The following ZFYVE28 variants were observed in gnomAD, a reference collection of about 807,000 sequenced individuals.
The protein encoded by ZFYVE28 is lateral signaling target protein 2 homolog.
In ZFYVE28, 40 loss-of-function variants were observed where a neutral mutation model predicts 82.1. The observed-to-expected ratio is 0.49, with a 90% CI of 0.38 to 0.63. ZFYVE28 has a LOEUF of 0.63. Ranked by LOEUF, ZFYVE28 falls within the 30% of genes least tolerant of loss-of-function variation. ZFYVE28 has a pLI of 0.00. For missense variants in ZFYVE28, 1,321 were observed against 1,242.1 expected, an observed-to-expected ratio of 1.06 and a Z score of -0.96; for synonymous variants, 612 against 546.1, an observed-to-expected ratio of 1.12 and a Z score of -1.68.
At chr4:2,359,960 G>A (rs377215988) in intron 1 of ZFYVE28, among the ~76,000 whole-genome samples, 17 of 152,270 alleles carry the variant, frequency 1.1e-4, no homozygotes, top group African/African-American at 3.9e-4. Context: ...CACCTGGAAG[G>A]ACAGCCCCCT....
chr4:2,269,699 C>G lies in ZFYVE28; in HGVS notation c.*1026G>C, dbSNP rs1735758682. On this transcript the variant is annotated 3_prime_UTR_variant, in exon 13 of 13. Transcript: ENST00000290974. ...ATTTCCTCCATTATATACTCTCCCC[C>G]CGACAGAAGCCGTTTCTATGCATAT... is the stretch of plus-strand genomic sequence containing the variant. 1 of 152,172 alleles carries G rather than the reference C, an allele frequency of 6.6e-6. No individual in the cohort carries two copies. 9.4% of individuals were successfully genotyped at this position (152,172 alleles called of 1,614,324 possible). A position where few individuals can be genotyped will look rare whatever the true frequency, so the allele number is the denominator to read the frequency against.
chr4:2,399,331 C>T (rs1730917603), intron 1 of ZFYVE28, among the ~76,000 whole-genome samples: 1 of 152,170 alleles, frequency 6.6e-6, no homozygotes, highest in Admixed American at 6.5e-5. Flanking sequence ...CCTGTGTGTT[C>T]ACGCCTCTCC....
intron 8 of ZFYVE28, among the ~76,000 whole-genome samples, chr4:2,296,944 G>T (rs1352770271): frequency 3.9e-5 from 6 of 152,208 alleles, no homozygotes; most frequent in Admixed American, 3.9e-4. Flanking sequence ...GGCCACTGAA[G>T]GCTCTGTCAG....
chr4:2,304,032 G>A (rs571013482), intron 8 of ZFYVE28, among the ~76,000 whole-genome samples: 90 of 152,356 alleles, frequency 5.9e-4, no homozygotes, highest in Admixed American at 9.1e-4. Context: ...ACAGGCACCC[G>A]GAACATCAGA....
At chr4:2,316,086 C>T (rs1718168776) in intron 7 of ZFYVE28, 1 of 152,180 alleles carries the variant, frequency 6.6e-6, no homozygotes, top group African/African-American at 2.4e-5. Flanking sequence ...TGCTATTAAA[C>T]CCATCTACTG....
intron 1 of ZFYVE28, among the ~76,000 whole-genome samples, chr4:2,388,194 C>T (rs1283905360): frequency 1.3e-5 from 2 of 152,172 alleles, no homozygotes; most frequent in Non-Finnish European, 2.9e-5. Flanking sequence ...TCTTCAAAGC[C>T]GGGACACAAA....
chr4:2,308,683 G>GAAAGAAAGAAAGAGAAAGA (rs1553830773), intron 7 of ZFYVE28, among the ~76,000 whole-genome samples: 5 of 81,512 alleles, frequency 6.1e-5, no homozygotes, highest in East Asian at 2.8e-4. Context: ...GAAAGAGAAA[G>GAAAGAAAGAAAGAGAAAGA]AAAGAAAAGA....
chr4:2,282,225 C>T (rs1043509589), intron 8 of ZFYVE28, among the ~76,000 whole-genome samples: 2 of 152,216 alleles, frequency 1.3e-5, no homozygotes, highest in African/African-American at 4.8e-5. Context: ...CACTCTCTTA[C>T]AGAAGGCAGC....
At chr4:2,358,050 G>A (rs985107727) in intron 1 of ZFYVE28, among the ~76,000 whole-genome samples, 9 of 152,172 alleles carry the variant, frequency 5.9e-5, no homozygotes, top group African/African-American at 2.2e-4. Flanking sequence ...CCAAAGAGGG[G>A]ACTGAGCCTC....
intron 1 of ZFYVE28, among the ~76,000 whole-genome samples, chr4:2,400,884 A>G (rs542170870): frequency 6.6e-6 from 1 of 152,318 alleles, no homozygotes; most frequent in African/African-American, 2.4e-5. Flanking sequence ...ACGCACACAG[A>G]CACACCCAGG....
intron 8 of ZFYVE28, among the ~76,000 whole-genome samples, chr4:2,280,790 A>C (rs190842029): frequency 1.1e-3 from 170 of 152,292 alleles, no homozygotes; most frequent in Non-Finnish European, 2.1e-3. Flanking sequence ...GTGAAAGGAG[A>C]AGCCCATGGG....
chr4:2,274,102 G>A lies in ZFYVE28; in HGVS notation c.2166C>T (p.Gly722=). The A allele has an allele frequency of 6.2e-7, 1 of 1,613,628 alleles. No homozygotes were observed. The highest frequency in any genetic ancestry group is 2.2e-5 in the East Asian group (1 of 44,882). The change falls in exon 9 of 13, where the codon GGC becomes GGT. Residue 722 remains glycine, a synonymous_variant. Coordinates refer to ENST00000290974, the MANE Select transcript of ZFYVE28 (RefSeq NM_020972.3). ...TREKIRSRFH[G]SHDLIHRLFV... Reference sequence around the variant, plus strand: ...ACAGGCGGTGGATGAGGTCGTGGCTGCCGTGGAACCTGGACCGGATCTTCT... The same window carrying A: ...ACAGGCGGTGGATGAGGTCGTGGCTACCGTGGAACCTGGACCGGATCTTCT...
At chr4:2,271,581 C>T in intron 11 of ZFYVE28, 94 bp downstream of exon 11, 1 of 1,466,978 alleles carries the variant, frequency 6.8e-7, no homozygotes, top group Middle Eastern at 1.8e-4. Context: ...GACAGGGTGG[C>T]CTGCAGCCCC....
intron 2 of ZFYVE28, among the ~76,000 whole-genome samples, chr4:2,345,663 AATAAAT>A (rs1448233301): frequency 4.0e-5 from 6 of 151,870 alleles, no homozygotes; most frequent in Non-Finnish European, 5.9e-5. Context: ...TTCCAAATTT[AATAAAT>A]ATAAACTCAT....
intron 1 of ZFYVE28, among the ~76,000 whole-genome samples, chr4:2,357,683 G>A (rs1027629471): frequency 1.3e-5 from 2 of 152,116 alleles, no homozygotes; most frequent in East Asian, 1.9e-4. Flanking sequence ...CGTGTGTCCC[G>A]CAGCCCTGAC....
At chr4:2,316,734 C>T (rs1718267668) in intron 7 of ZFYVE28, among the ~76,000 whole-genome samples, 1 of 151,322 alleles carries the variant, frequency 6.6e-6, no homozygotes, top group Non-Finnish European at 1.5e-5. Context: ...GCTCTGTAGC[C>T]CAGGCTGGAG....
At chr4:2,398,215 C>T (rs1312014342) in intron 1 of ZFYVE28, among the ~76,000 whole-genome samples, 1 of 152,154 alleles carries the variant, frequency 6.6e-6, no homozygotes, top group African/African-American at 2.4e-5. Flanking sequence ...GTGGGGAAGG[C>T]CAGTGCCCGT....
intron 3 of ZFYVE28, among the ~76,000 whole-genome samples, chr4:2,340,439 C>T (rs915059381): frequency 3.3e-5 from 5 of 152,346 alleles, no homozygotes; most frequent in African/African-American, 9.6e-5. Context: ...GGGGCCTCGC[C>T]AGGTTTAGGA....
At chr4:2,350,477 G>A (rs556631269) in intron 2 of ZFYVE28, among the ~76,000 whole-genome samples, 169 of 151,470 alleles carry the variant, frequency 1.1e-3, no homozygotes, top group African/African-American at 3.9e-3. Flanking sequence ...AAAAAAAAAA[G>A]AAAGAAAGAA....
Sources: gnomAD v4.1 joint callset for allele counts (sites outside exome capture counted in the v4.1 genomes callset) on GRCh38, gnomAD v4.1.1 for gene constraint, MANE v1.5 for transcripts, NCBI Gene and HGNC (gene_info 2026-07-23, HGNC 2026-07-21) for gene names.